The following NEK1 variants were observed in gnomAD, a reference collection of about 807,000 sequenced individuals.
The protein encoded by NEK1 is NIMA related kinase 1.
Under a neutral mutation model 182.1 loss-of-function variants are expected in NEK1, and 137 were observed. The observed-to-expected ratio is 0.75, with a 90% CI of 0.65 to 0.87. NEK1 has a LOEUF of 0.87. Ranked by LOEUF, NEK1 falls within the 40% of genes least tolerant of loss-of-function variation. The probability of loss-of-function intolerance (pLI) is 0.00; values close to 1 mark genes in which losing one functional copy is unlikely to be tolerated. For missense variants in NEK1, 1,391 were observed against 1,494.4 expected, an observed-to-expected ratio of 0.93 and a Z score of 1.14; for synonymous variants, 513 against 492.2, an observed-to-expected ratio of 1.04 and a Z score of -0.56.
intron 19 of NEK1, among the ~76,000 whole-genome samples, chr4:169,512,888 A>G (rs1039259971): frequency 6.6e-6 from 1 of 152,216 alleles, no homozygotes; most frequent in African/African-American, 2.4e-5. Context: ...GTGTTTGTCA[A>G]GAATCAGTTA....
At chr4:169,456,831 G>A (rs1742974850) in intron 27 of NEK1, among the ~76,000 whole-genome samples, 1 of 152,134 alleles carries the variant, frequency 6.6e-6, no homozygotes, top group Non-Finnish European at 1.5e-5. Context: ...ACAGTTGAAT[G>A]GATAAAGAAA....
chr4:169,545,204 T>TC (rs1276002459), intron 18 of NEK1, among the ~76,000 whole-genome samples: 3 of 55,902 alleles, frequency 5.4e-5, no homozygotes, highest in Admixed American at 5.3e-4. Flanking sequence ...CCCTCCCCCC[T>TC]CCCCCCACCC....
At chr4:169,396,419 G>A (rs1203583809) in intron 35 of NEK1, among the ~76,000 whole-genome samples, 6 of 132,846 alleles carry the variant, frequency 4.5e-5, no homozygotes, top group Admixed American at 1.7e-4. Flanking sequence ...AACTTGGGCC[G>A]CTAATGCTAA....
chr4:169,395,025 A>G (rs778055150), intron 35 of NEK1, among the ~76,000 whole-genome samples: 10 of 152,318 alleles, frequency 6.6e-5, no homozygotes, highest in Non-Finnish European at 1.5e-4. Flanking sequence ...TTCTATGTTG[A>G]CTTCAATGTC....
chr4:169,395,676 T>C (rs575332173), intron 35 of NEK1, among the ~76,000 whole-genome samples: 121 of 152,296 alleles, frequency 7.9e-4, no homozygotes, highest in African/African-American at 2.8e-3. Context: ...CCATAATATG[T>C]AGAATTAACA....
rs1176524780 is a variant in NEK1, at chr4:169,562,207, A to C, written c.1021-11T>G. On this transcript the variant is annotated splice_polypyrimidine_tract_variant and intron_variant, in intron 12 of 35. Transcript: ENST00000507142. ...TGGAGTTTGATGGGCCTGGACAAAA[A>C]GTAAAACTACAAATTAAATAAAGAT... 6.6e-7 allele frequency: 1 copy of C among 1,510,002 alleles called. No homozygotes were observed. The highest frequency in any genetic ancestry group is 8.9e-7 in the Non-Finnish European group (1 of 1,124,828). The allele number at this position is 1,510,002 out of a possible 1,614,324, so 93.5% of individuals were successfully genotyped here.
intron 19 of NEK1, among the ~76,000 whole-genome samples, chr4:169,526,080 C>G (rs775364229): frequency 6.6e-6 from 1 of 152,168 alleles, no homozygotes; most frequent in Non-Finnish European, 1.5e-5. Flanking sequence ...CACATACACA[C>G]GAAACCACCA....
In NEK1 at chr4:169,535,844, C is replaced by T. The variant is rs190888366; in HGVS notation, c.1665+1965G>A. Reference sequence around the variant, plus strand: ...GCAGTGAGCCGAGACTGCGCCACTGCATTCCAGCCTGGGCAACAAGAGTTA... The same window carrying T: ...GCAGTGAGCCGAGACTGCGCCACTGTATTCCAGCCTGGGCAACAAGAGTTA... On this transcript the variant is annotated intron_variant, in intron 19 of 35. Transcript: ENST00000507142. Among the ~76,000 whole-genome samples, 64 of 140,638 alleles carry T rather than the reference C, an allele frequency of 4.6e-4. No individual in the cohort carries two copies. The East Asian group carries it at 0.013, about 28-fold the overall frequency. The allele number at this position is 140,638 out of a possible 152,430, so 92.3% of individuals were successfully genotyped here. A position where few individuals can be genotyped will look rare whatever the true frequency, so the allele number is the denominator to read the frequency against.
chr4:169,557,210 G>T (rs146443082), intron 16 of NEK1, among the ~76,000 whole-genome samples: 7 of 151,958 alleles, frequency 4.6e-5, no homozygotes, highest in African/African-American at 1.4e-4. Flanking sequence ...GCCAAGAAAG[G>T]CAATCAATGA....
At chr4:169,557,853 C>T (rs1762374220) in intron 16 of NEK1, among the ~76,000 whole-genome samples, 1 of 152,148 alleles carries the variant, frequency 6.6e-6, no homozygotes, top group South Asian at 2.1e-4. Flanking sequence ...ATTGCTTGAA[C>T]TCAGGAGGTC....
At chr4:169,399,628 A>T (rs979559020) in intron 35 of NEK1, among the ~76,000 whole-genome samples, 1 of 152,112 alleles carries the variant, frequency 6.6e-6, no homozygotes. Flanking sequence ...ATTTTTATTT[A>T]TTTACTTTTT....
intron 35 of NEK1, among the ~76,000 whole-genome samples, chr4:169,394,873 C>A (rs1018793176): frequency 6.6e-6 from 1 of 152,086 alleles, no homozygotes; most frequent in Non-Finnish European, 1.5e-5. Context: ...AAGGTGGATA[C>A]ATAAGTGATA....
In NEK1 at chr4:169,596,493, G is replaced by A. The variant is rs189244840; in HGVS notation, c.312+2607C>T. Among the ~76,000 whole-genome samples the A allele has an allele frequency of 7.9e-5, 12 of 151,826 alleles. 1 individual carries two copies. Among genetic ancestry groups the A allele is most frequent in the Admixed American group, 7.9e-4 (12 of 15,282 alleles). ...GGTACATCTTTAAAATATCTATGTA[G>A]AGACTGTCCAAGGGAACGTACTTAG... On this transcript the variant is annotated intron_variant, in intron 5 of 35. Transcript: ENST00000507142.
At chr4:169,448,700 G>A (rs556161894) in intron 27 of NEK1, among the ~76,000 whole-genome samples, 3 of 152,302 alleles carry the variant, frequency 2.0e-5, no homozygotes, top group East Asian at 1.9e-4. Flanking sequence ...CAAGATGGCG[G>A]AATAGGAACA....
Position 169,500,386 on chromosome 4 carries a change from C to T in NEK1, c.2007+6651G>A, listed in dbSNP as rs147687446. Among the ~76,000 whole-genome samples, 164 of 152,340 alleles carry T rather than the reference C, an allele frequency of 1.1e-3. 5 individuals carry two copies. The East Asian group carries it at 0.026, about 24-fold the overall frequency. On this transcript the variant is annotated intron_variant, in intron 23 of 35. Transcript: ENST00000507142. ...GCCTCGCCCTGCTTCGGTTCATGCT[C>T]GGTGCGCTGCACCCACTGTCCTGCA... is the stretch of plus-strand genomic sequence containing the variant.
At chr4:169,559,271 A>T (rs914705378) in intron 16 of NEK1, among the ~76,000 whole-genome samples, 1 of 152,164 alleles carries the variant, frequency 6.6e-6, no homozygotes, top group African/African-American at 2.4e-5. Context: ...CGGACTTGAT[A>T]AAAAAATGCT....
Position 169,537,911 on chromosome 4 carries a change from C to T in NEK1, c.1563G>A (p.Arg521=). Reference sequence around the variant, plus strand: ...TTTCTACAGCTAGCTGCCCTTTTTGCCTAATTTGGACAAATCACAAAGTCA... The same window carrying T: ...TTTCTACAGCTAGCTGCCCTTTTTGTCTAATTTGGACAAATCACAAAGTCA... ...KAVSKQANAN[R]QKGQLAVERA... The change falls in exon 19 of 36, where the codon AGG becomes AGA. Residue 521 remains arginine, a splice_region_variant and synonymous_variant. Transcript: ENST00000507142. The T allele has an allele frequency of 1.3e-6, 2 of 1,594,922 alleles. No homozygotes were observed. Among genetic ancestry groups the T allele is most frequent in the South Asian group, 1.1e-5 (1 of 87,386 alleles).
chr4:169,401,967 G>T, intron 32 of NEK1, 107 bp from the exon 33 acceptor site: 1 of 843,760 alleles, frequency 1.2e-6, no homozygotes, highest in Non-Finnish European at 1.7e-6. Flanking sequence ...CAATACGTAG[G>T]CACTTCTTAA....
At chr4:169,539,645 T>A (rs1194186439) in intron 18 of NEK1, among the ~76,000 whole-genome samples, 1 of 152,048 alleles carries the variant, frequency 6.6e-6, no homozygotes, top group Admixed American at 6.6e-5. Flanking sequence ...TCTGTTTTGC[T>A]ATAGCCCGTC....
Sources: gnomAD v4.1 joint callset for allele counts (sites outside exome capture counted in the v4.1 genomes callset) on GRCh38, gnomAD v4.1.1 for gene constraint, MANE v1.5 for transcripts, NCBI Gene and HGNC (gene_info 2026-07-23, HGNC 2026-07-21) for gene names.